The following INTS6 variants were observed in gnomAD, a reference collection of about 807,000 sequenced individuals.
The protein encoded by INTS6 is DEAD box protein.
In INTS6, 16 loss-of-function variants were observed where a neutral mutation model predicts 104.9. That is an observed-to-expected ratio of 0.15 (90% confidence interval 0.10 to 0.23). The LOEUF is 0.23. Ranked by LOEUF, INTS6 falls within the 10% of genes least tolerant of loss-of-function variation. The pLI is 1.00. For missense variants in INTS6, 584 were observed against 1,062.8 expected (o/e 0.55, Z 6.26); for synonymous variants, 324 against 358.7 (o/e 0.90, Z 1.09).
chr13:51,339,556 C>A, the INTS6 span: 14 of 152,560 alleles, frequency 9.2e-5, no homozygotes, highest in Admixed American at 3.3e-4. Context: ...GACCTCCAGG[C>A]TCCAGGAATT....
chr13:51,370,453 T>C (rs914035059), intron 15 of INTS6, among the ~76,000 whole-genome samples: 3 of 152,308 alleles, frequency 2.0e-5, no homozygotes, highest in African/African-American at 7.2e-5. Flanking sequence ...ACCCAGTTCA[T>C]AGCCTTCCTT....
intron 7 of INTS6, chr13:51,384,704 G>T (rs76576198): frequency 0.016 from 7,429 of 456,556 alleles, 136 homozygotes; most frequent in East Asian, 0.069. Context: ...CTGTCACAAA[G>T]ACCTGGATAA....
At chr13:51,440,479 A>G (rs1037886371) in intron 3 of INTS6, 1 of 152,194 alleles carries the variant, frequency 6.6e-6, no homozygotes, top group African/African-American at 2.4e-5. Context: ...TACAGTTTAT[A>G]AAGTCTACAG....
chr13:51,354,812 A>G (rs919659897), intron 3 of INTS6, among the ~76,000 whole-genome samples: 4 of 152,226 alleles, frequency 2.6e-5, no homozygotes, highest in Non-Finnish European at 4.4e-5. Context: ...AGACAATCAA[A>G]GTCAATGGGA....
Position 51,374,458 on chromosome 13 carries a change from C to T in INTS6, c.1873-19G>A. Reference sequence around the variant, plus strand: ...TCATACCCTTTAGCAAAAAAGAATACAACTTTCTTGAATTTACAAACAATG... The same window carrying T: ...TCATACCCTTTAGCAAAAAAGAATATAACTTTCTTGAATTTACAAACAATG... On this transcript the variant is annotated intron_variant, in intron 14 of 17. Transcript: ENST00000311234. The T allele has an allele frequency of 6.6e-7, 1 of 1,512,094 alleles. No homozygotes were observed. The highest frequency in any genetic ancestry group is 9.0e-7 in the Non-Finnish European group (1 of 1,114,768). 93.7% of individuals were successfully genotyped at this position (1,512,094 alleles called of 1,614,324 possible).
chr13:51,451,840 G>C, intron 2 of INTS6, 138 bp downstream of exon 2: 1 of 506,970 alleles, frequency 2.0e-6, no homozygotes, highest in Non-Finnish European at 3.5e-6. Flanking sequence ...GGAGCCCGCA[G>C]GGAAGAGACC....
intron 4 of INTS6, among the ~76,000 whole-genome samples, chr13:51,419,228 G>T (rs148195789): frequency 6.6e-6 from 1 of 152,222 alleles, no homozygotes; most frequent in Admixed American, 6.5e-5. Context: ...TCTTTGTATA[G>T]TCCACGCTAC....
At chr13:51,361,306 A>G, downstream of INTS6, 1 of 1,610,194 alleles carries the variant, frequency 6.2e-7, no homozygotes, top group Non-Finnish European at 8.5e-7. Flanking sequence ...TTTCTGAAGC[A>G]ATCCACAAGG....
At chr13:51,420,828 A>T (rs1393782462) in intron 4 of INTS6, among the ~76,000 whole-genome samples, 1 of 151,938 alleles carries the variant, frequency 6.6e-6, no homozygotes, top group Non-Finnish European at 1.5e-5. Context: ...TTCCTTAGCT[A>T]TGATAGCAAG....
the INTS6 span, chr13:51,339,477 C>G: frequency 6.6e-6 from 1 of 152,320 alleles, no homozygotes; most frequent in Admixed American, 6.5e-5. Flanking sequence ...TCTCCCCCCA[C>G]GGCCCTGCTC....
intron 15 of INTS6, among the ~76,000 whole-genome samples, chr13:51,371,299 A>G (rs1955798344): frequency 6.6e-6 from 1 of 152,132 alleles, no homozygotes; most frequent in African/African-American, 2.4e-5. Flanking sequence ...CGCCTTTCAC[A>G]TCCAGACAAA....
chr13:51,427,978 C>T (rs887077911), intron 4 of INTS6, among the ~76,000 whole-genome samples: 3 of 152,164 alleles, frequency 2.0e-5, no homozygotes, highest in African/African-American at 4.8e-5. Context: ...TTCCAATACA[C>T]ATGTATATTT....
chr13:51,412,190 G>A (rs74647934), intron 4 of INTS6, among the ~76,000 whole-genome samples: 1,726 of 152,188 alleles, frequency 0.011, 26 homozygotes, highest in East Asian at 0.07. Flanking sequence ...AATTTCTTTG[G>A]AGTAACATAT....
chr13:51,423,774 A>C (rs1232796943), intron 4 of INTS6, among the ~76,000 whole-genome samples: 1 of 152,074 alleles, frequency 6.6e-6, no homozygotes, highest in Non-Finnish European at 1.5e-5. Flanking sequence ...GTGGCCTTCT[A>C]AGTCAAAAAC....
intron 7 of INTS6, 75 bp from the exon 8 acceptor site, chr13:51,383,816 AT>A: frequency 7.7e-7 from 1 of 1,296,434 alleles, no homozygotes; most frequent in Non-Finnish European, 1.1e-6. Context: ...CATTATCAAA[AT>A]TTACTCAGTT....
intron 4 of INTS6, among the ~76,000 whole-genome samples, chr13:51,396,021 C>A (rs1170109405): frequency 6.6e-6 from 1 of 152,100 alleles, no homozygotes; most frequent in Non-Finnish European, 1.5e-5. Flanking sequence ...TGGTCTCAAA[C>A]TCCCGATCTC....
chr13:51,377,989 T>TCTAAAC (rs1163664398), intron 12 of INTS6, among the ~76,000 whole-genome samples: 1 of 152,132 alleles, frequency 6.6e-6, no homozygotes, highest in African/African-American at 2.4e-5. Flanking sequence ...TAAAGCAATT[T>TCTAAAC]CTAAACCTCT....
chr13:51,451,927 G>C, intron 2 of INTS6, 51 bp downstream of exon 2: 1 of 1,416,546 alleles, frequency 7.1e-7, no homozygotes. Flanking sequence ...GGGCGAGCGA[G>C]GAAGGAACAG....
chr13:51,372,024 C>T (rs984875446), intron 15 of INTS6, among the ~76,000 whole-genome samples: 11 of 152,136 alleles, frequency 7.2e-5, no homozygotes, highest in African/African-American at 2.7e-4. Context: ...CTGGTTCCAC[C>T]ACCAGCACTG....
Sources: allele counts gnomAD v4.1 joint callset (sites outside exome capture counted in the v4.1 genomes callset), GRCh38; gene constraint gnomAD v4.1.1; transcripts MANE v1.5; gene names NCBI Gene and HGNC (gene_info 2026-07-23, HGNC 2026-07-21).